PTPN2: variants seen among roughly 807,000 people sequenced by gnomAD.
PTPN2 encodes protein tyrosine phosphatase non-receptor type 2.
Under a neutral mutation model 57.3 loss-of-function variants are expected in PTPN2, and 19 were observed. The observed-to-expected ratio is 0.33, with a 90% confidence interval of 0.23 to 0.49. The LOEUF (loss-of-function observed/expected upper bound fraction) is 0.49, where lower values mean the gene tolerates loss of function less well. PTPN2 is among the 20% of genes least tolerant of loss of function. The probability of loss-of-function intolerance (pLI) is 0.99; values close to 1 mark genes in which losing one functional copy is unlikely to be tolerated. For synonymous variants in PTPN2, 153 were observed against 164.9 expected (o/e 0.93, Z 0.55); for missense variants, 358 against 501.1 (o/e 0.71, Z 2.73).
At chr18:12,797,462 GT>G (rs923296346) in intron 8 of PTPN2, among the ~76,000 whole-genome samples, 21 of 152,128 alleles carry the variant, frequency 1.4e-4, no homozygotes, top group Admixed American at 3.3e-4. Context: ...ATGCTTTCTG[GT>G]TGGGCTGACA....
chr18:12,870,462 T>TAGAGAGAGAG (rs762120431), intron 1 of PTPN2, among the ~76,000 whole-genome samples: 22 of 17,708 alleles, frequency 1.2e-3, no homozygotes, highest in Admixed American at 4.9e-3. Context: ...TATATATATA[T>TAGAGAGAGAG]AGAGAGAGAG....
intron 1 of PTPN2, chr18:12,869,043 G>C (rs556789442): frequency 6.6e-6 from 1 of 152,416 alleles, no homozygotes; most frequent in South Asian, 2.1e-4. Flanking sequence ...CCAGCTACTC[G>C]GGAGGCTGAG....
At chr18:12,878,542 C>T (rs2145543837) in intron 1 of PTPN2, among the ~76,000 whole-genome samples, 1 of 151,956 alleles carries the variant, frequency 6.6e-6, no homozygotes, top group African/African-American at 2.4e-5. Context: ...TGCTGGTGGG[C>T]ACCTGTAATC....
At chr18:12,856,418 G>A (rs2043591264) in intron 2 of PTPN2, among the ~76,000 whole-genome samples, 1 of 152,044 alleles carries the variant, frequency 6.6e-6, no homozygotes, top group African/African-American at 2.4e-5. Context: ...GGAGGGAGGG[G>A]GCAAAGAAGA....
In PTPN2 at chr18:12,835,382, C is replaced by CTTTTTTTTTTTTTTTTTTTTTTTTTTT. The variant is rs60239177; in HGVS notation, c.261+1408_261+1409insAAAAAAAAAAAAAAAAAAAAAAAAAAA. Among the ~76,000 whole-genome samples the CTTTTTTTTTTTTTTTTTTTTTTTTTTT allele has an allele frequency of 9.1e-5, 9 of 99,020 alleles. 1 individual carries two copies. The highest frequency in any genetic ancestry group is 5.3e-4 in the Admixed American group (4 of 7,512). The allele number at this position is 99,020 out of a possible 152,430, so 65.0% of individuals were successfully genotyped here. On this transcript the variant is annotated intron_variant, in intron 3 of 8. Transcript: ENST00000309660. ...CTGCAATGAACATGATCACATATGT[C>CTTTTTTTTTTTTTTTTTTTTTTTTTTT]TTTTTTTTTTTTTTGGACAGTTTTG...
chr18:12,873,944 C>A (rs1248509522), intron 1 of PTPN2, among the ~76,000 whole-genome samples: 1 of 151,820 alleles, frequency 6.6e-6, no homozygotes, highest in Non-Finnish European at 1.5e-5. Flanking sequence ...GTCGCGACCC[C>A]GTCTGGGAGG....
At chr18:12,851,015 C>T (rs1284869652) in intron 2 of PTPN2, among the ~76,000 whole-genome samples, 1 of 152,138 alleles carries the variant, frequency 6.6e-6, no homozygotes, top group African/African-American at 2.4e-5. Flanking sequence ...GCTGGGATTA[C>T]AGGCGTGAGC....
downstream of PTPN2, chr18:12,792,102 C>A: frequency 1.7e-6 from 1 of 582,370 alleles, no homozygotes; most frequent in Non-Finnish European, 2.2e-6. Context: ...TACCTCCTCT[C>A]CATTTCAAGG....
intron 5 of PTPN2, among the ~76,000 whole-genome samples, chr18:12,823,190 T>C (rs2042330870): frequency 6.6e-6 from 1 of 152,192 alleles, no homozygotes; most frequent in Non-Finnish European, 1.5e-5. Flanking sequence ...TATTATATTG[T>C]GGTATGTTCT....
intron 1 of PTPN2, among the ~76,000 whole-genome samples, chr18:12,860,294 A>C (rs2043753720): frequency 1.3e-5 from 2 of 149,300 alleles, no homozygotes; most frequent in South Asian, 4.2e-4. Context: ...ATAAAAAAAA[A>C]CCCCAAAAAA....
In PTPN2 at chr18:12,793,556, CTT is replaced by C. The variant is rs996862003; in HGVS notation, c.*720_*721del. On this transcript the variant is annotated 3_prime_UTR_variant, in exon 9 of 9. Transcript: ENST00000309660. Reference sequence around the variant, plus strand: ...AACTTTTGTTTCTTTGTTTGCTTTTCTTTTTAAAATGGGGAAAACTGTAAAAC... The same window carrying C: ...AACTTTTGTTTCTTTGTTTGCTTTTCTTTAAAATGGGGAAAACTGTAAAAC... 7.1e-6 allele frequency: 7 copies of C among 980,140 alleles called. No individual in the cohort carries two copies. The African/African-American group carries it at 1.2e-4, about 17-fold the overall frequency. The allele number at this position is 980,140 out of a possible 1,614,324, so 60.7% of individuals were successfully genotyped here.
In PTPN2 at chr18:12,861,450, G is replaced by C. The variant is rs190024186; in HGVS notation, c.70-2196C>G. On this transcript the variant is annotated intron_variant, in intron 1 of 8. Coordinates refer to ENST00000309660, the MANE Select transcript of PTPN2 (RefSeq NM_002828.4). Reference sequence around the variant, plus strand: ...GAAGCATTTGCTTGCCCTTGAGACAGTATCAAATTTTAGTTACTACAGCTT... The same window carrying C: ...GAAGCATTTGCTTGCCCTTGAGACACTATCAAATTTTAGTTACTACAGCTT... Among the ~76,000 whole-genome samples the C allele has an allele frequency of 2.2e-3, 331 of 152,282 alleles. 2 individuals carry two copies. The highest frequency in any genetic ancestry group is 7.5e-3 in the African/African-American group (313 of 41,554).
chr18:12,836,264 A>C (rs530649540), intron 3 of PTPN2, among the ~76,000 whole-genome samples: 1 of 152,252 alleles, frequency 6.6e-6, no homozygotes, highest in African/African-American at 2.4e-5. Context: ...TGATGCGCTC[A>C]GAGGCAACTG....
chr18:12,874,753 C>T (rs1415312795), intron 1 of PTPN2, among the ~76,000 whole-genome samples: 1 of 151,956 alleles, frequency 6.6e-6, no homozygotes, highest in East Asian at 1.9e-4. Context: ...CCGGCCGCCC[C>T]TACTGGGAAG....
chr18:12,849,317 G>A (rs1284865713), intron 2 of PTPN2, among the ~76,000 whole-genome samples: 2 of 152,172 alleles, frequency 1.3e-5, no homozygotes, highest in Non-Finnish European at 2.9e-5. Flanking sequence ...CCAGCACTTT[G>A]GGAGGCCGAG....
rs114644428 is a variant in PTPN2 at position 12,821,741 on chromosome 18, C to T, written c.495+4069G>A. 5.5e-3 allele frequency among the ~76,000 whole-genome samples: 838 copies of T among 152,226 alleles called. 10 individuals carry two copies. The highest frequency in any genetic ancestry group is 0.019 in the African/African-American group (803 of 41,516). ...GTTAGCACGAACAAATCCTGGATAC[C>T]CGAAGGAGAGGGAGTTAGACAAGGA... On this transcript the variant is annotated intron_variant, in intron 5 of 8. Coordinates refer to ENST00000309660, the MANE Select transcript of PTPN2 (RefSeq NM_002828.4).
chr18:12,810,754 T>C (rs2041864728), intron 7 of PTPN2, among the ~76,000 whole-genome samples: 1 of 152,148 alleles, frequency 6.6e-6, no homozygotes, highest in South Asian at 2.1e-4. Context: ...GTAGGAGAGA[T>C]GAGGCTGGAA....
chr18:12,813,183 C>G (rs2041955876), intron 7 of PTPN2, among the ~76,000 whole-genome samples: 2 of 152,144 alleles, frequency 1.3e-5, no homozygotes, highest in Non-Finnish European at 2.9e-5. Flanking sequence ...TTTTGAACTC[C>G]AGATTTAAGT....
In PTPN2 at chr18:12,794,261, T is replaced by TGGGCAAAA. The variant is rs756126204; in HGVS notation, c.*9_*16dup. 8.4e-5 allele frequency: 136 copies of TGGGCAAAA among 1,613,902 alleles called. No homozygotes were observed. The highest frequency in any genetic ancestry group is 1.1e-4 in the Non-Finnish European group (131 of 1,180,010). ...GTCAGTTACTAGTGCAGAAGCTTGC[T>TGGGCAAAA]GGGCAAAATTAATTGTTTATAGGGC... On this transcript the variant is annotated 3_prime_UTR_variant, in exon 9 of 9. Coordinates refer to ENST00000309660, the MANE Select transcript of PTPN2 (RefSeq NM_002828.4).
Sources: gnomAD v4.1 joint callset for allele counts (sites outside exome capture counted in the v4.1 genomes callset) on GRCh38, gnomAD v4.1.1 for gene constraint, MANE v1.5 for transcripts, NCBI Gene and HGNC (gene_info 2026-07-23, HGNC 2026-07-21) for gene names.